VIPR2: variants seen among roughly 807,000 people sequenced by gnomAD.
VIPR2 encodes the protein vasoactive intestinal polypeptide receptor 2.
A neutral mutation model predicts 58.0 loss-of-function variants in VIPR2; 48 were observed. That is an observed-to-expected ratio of 0.83 (90% CI 0.66 to 1.05). The LOEUF is 1.05. Ranked by LOEUF, VIPR2 falls within the 50% of genes least tolerant of loss-of-function variation. VIPR2 has a pLI of 0.00. For missense variants in VIPR2, 534 were observed against 558.0 expected, an observed-to-expected ratio of 0.96 and a Z score of 0.43; for synonymous variants, 243 against 235.2, an observed-to-expected ratio of 1.03 and a Z score of -0.30.
intron 4 of VIPR2, among the ~76,000 whole-genome samples, chr7:159,060,671 C>CTCACCTAACCACTAACCTCACT (rs1056151798): frequency 1.3e-5 from 2 of 151,852 alleles, no homozygotes; most frequent in Non-Finnish European, 2.9e-5. Context: ...CCATCTTCAC[C>CTCACCTAACCACTAACCTCACT]TCACCTAACC....
chr7:159,033,726 T>A (rs1853731878), intron 10 of VIPR2, among the ~76,000 whole-genome samples: 1 of 152,076 alleles, frequency 6.6e-6, no homozygotes, highest in East Asian at 1.9e-4. Flanking sequence ...CACACGGCCA[T>A]GGACACATGG....
At chr7:159,036,357 C>A (rs1431070653) in intron 7 of VIPR2, among the ~76,000 whole-genome samples, 1 of 152,106 alleles carries the variant, frequency 6.6e-6, no homozygotes, top group African/African-American at 2.4e-5. Context: ...TCATCCTGTC[C>A]ATGAGGATGT....
intron 4 of VIPR2, among the ~76,000 whole-genome samples, chr7:159,062,283 G>A (rs924696891): frequency 2.0e-5 from 3 of 152,192 alleles, no homozygotes; most frequent in Non-Finnish European, 2.9e-5. Context: ...CTCGGGTCTG[G>A]GGGTCCTGGC....
chr7:159,144,360 A>G, intron 1 of VIPR2: 1 of 1,541,288 alleles, frequency 6.5e-7, no homozygotes. Flanking sequence ...TCTCCCCGTG[A>G]AACGCGCAGC....
chr7:159,061,524 G>A (rs1189396415), intron 4 of VIPR2, among the ~76,000 whole-genome samples: 2 of 151,832 alleles, frequency 1.3e-5, no homozygotes, highest in Non-Finnish European at 2.9e-5. Context: ...GTGGCTGTGT[G>A]TGCCTGTGGT....
At chr7:159,141,968 G>T (rs934734013) in intron 2 of VIPR2, among the ~76,000 whole-genome samples, 16 of 152,194 alleles carry the variant, frequency 1.1e-4, no homozygotes, top group African/African-American at 3.9e-4. Context: ...AAGGCGATCT[G>T]CACGTTCACA....
In VIPR2 at chr7:159,053,541, G is replaced by GT. The variant is rs148137121; in HGVS notation, c.455+4939dup. On this transcript the variant is annotated intron_variant, in intron 5 of 12. Transcript: ENST00000262178. ...CAAATGAAATTGCAATAGAATTTTTGTTTTTTTTGTTTTTTTGAGAGAAAT... is the reference window on the plus strand; with the variant it reads ...CAAATGAAATTGCAATAGAATTTTTGTTTTTTTTTGTTTTTTTGAGAGAAAT... 7.4e-3 allele frequency among the ~76,000 whole-genome samples: 1,126 copies of GT among 151,780 alleles called. 23 individuals carry two copies. Among genetic ancestry groups the GT allele is most frequent in the East Asian group, 0.044 (230 of 5,170 alleles).
At position 159,058,665 on chromosome 7, in the gene VIPR2, C is replaced by T. The variant is rs1304295567; in HGVS notation, c.358-87G>A. 7.6e-6 allele frequency: 8 copies of T among 1,053,600 alleles called. No homozygotes were observed. In the Admixed American group the frequency reaches 9.4e-5, roughly 12 times the overall value. The allele number at this position is 1,053,600 out of a possible 1,614,324, so 65.3% of individuals were successfully genotyped here. A position where few individuals can be genotyped will look rare whatever the true frequency, so the allele number is the denominator to read the frequency against. ...TGGTTCCAGGATCCAGCCCTGTGCT[C>T]TGGCCATGAAGGACTCTTGCCTGCC... On this transcript the variant is annotated intron_variant, in intron 4 of 12. Transcript: ENST00000262178.
intron 4 of VIPR2, among the ~76,000 whole-genome samples, chr7:159,063,074 C>G (rs963560072): frequency 1.3e-5 from 2 of 152,240 alleles, no homozygotes; most frequent in Non-Finnish European, 1.5e-5. Flanking sequence ...AGGAGCCCAG[C>G]TGGCTTCACC....
intron 5 of VIPR2, among the ~76,000 whole-genome samples, chr7:159,051,547 T>G (rs1200350539): frequency 6.6e-6 from 1 of 152,192 alleles, no homozygotes; most frequent in Admixed American, 6.5e-5. Context: ...GAACTCACAG[T>G]TGTCATAAGT....
chr7:159,091,907 C>T (rs1006232965), intron 4 of VIPR2, among the ~76,000 whole-genome samples: 44 of 152,184 alleles, frequency 2.9e-4, no homozygotes, highest in African/African-American at 1.0e-3. Flanking sequence ...GCGGGCAGAT[C>T]GCCTGAGGCC....
chr7:159,121,969 C>T (rs187316623), intron 2 of VIPR2, among the ~76,000 whole-genome samples: 4 of 152,282 alleles, frequency 2.6e-5, no homozygotes, highest in East Asian at 1.9e-4. Context: ...CTGATTGGTA[C>T]GAATCATTGA....
rs1853495363 is a variant in VIPR2, at chr7:159,030,696, T to G, written c.1237A>C (p.Asn413His). 6.3e-7 allele frequency: 1 copy of G among 1,583,802 alleles called. No homozygotes were observed. Residue 413 changes from asparagine to histidine, a missense_variant, in exon 13 of 13, where the codon AAC (asparagine) becomes CAC (histidine). Asn to His is a moderately conservative substitution (Grantham distance 68). Transcript: ENST00000262178. Reference sequence around the variant, plus strand: ...AACTGCAGGGCGCCCTCCGAGCCGTTGCGGGAGAAGGAGGAACCGCAGACC... The same window carrying G: ...AACTGCAGGGCGCCCTCCGAGCCGTGGCGGGAGAAGGAGGAACCGCAGACC... ...YRVCGSSFSR[N>H]GSEGALQFHR...
At chr7:159,054,827 T>C (rs1855212767) in intron 5 of VIPR2, among the ~76,000 whole-genome samples, 2 of 152,248 alleles carry the variant, frequency 1.3e-5, no homozygotes, top group Non-Finnish European at 2.9e-5. Flanking sequence ...ACTTTGATGC[T>C]TTGATACATA....
At chr7:159,089,590 A>T (rs1444620321) in intron 4 of VIPR2, among the ~76,000 whole-genome samples, 1 of 152,252 alleles carries the variant, frequency 6.6e-6, no homozygotes, top group Non-Finnish European at 1.5e-5. Context: ...ATTATAACTA[A>T]TATTATTAGC....
intron 2 of VIPR2, among the ~76,000 whole-genome samples, chr7:159,140,924 C>T (rs1323202279): frequency 3.4e-5 from 5 of 149,018 alleles, no homozygotes; most frequent in African/African-American, 1.3e-4. Context: ...TGGCTCCAGG[C>T]TCCCTCAAAA....
At chr7:159,092,613 G>A (rs186998622) in intron 4 of VIPR2, among the ~76,000 whole-genome samples, 4 of 151,688 alleles carry the variant, frequency 2.6e-5, no homozygotes, top group Admixed American at 1.3e-4. Flanking sequence ...GGCAATTTCG[G>A]GATGCTTTTT....
chr7:159,123,645 A>C (rs189819533), intron 2 of VIPR2, among the ~76,000 whole-genome samples: 89 of 152,334 alleles, frequency 5.8e-4, no homozygotes, highest in Non-Finnish European at 1.5e-4. Context: ...TGGTAGAATG[A>C]TTTATATTCC....
rs953079198 is a variant in VIPR2, at chr7:159,028,383, G to A, written c.*2233C>T. 1 of 152,488 alleles carries A rather than the reference G, an allele frequency of 6.6e-6. No individual in the cohort carries two copies. The highest frequency in any genetic ancestry group is 2.4e-5 in the African/African-American group (1 of 41,468). 9.4% of individuals were successfully genotyped at this position (152,488 alleles called of 1,614,324 possible). A position where few individuals can be genotyped will look rare whatever the true frequency, so the allele number is the denominator to read the frequency against. On this transcript the variant is annotated 3_prime_UTR_variant, in exon 13 of 13. Transcript: ENST00000262178. ...AGCTCCGCTGAACAGTGGCACATGTGCGGTTGAGGGGAGATTGTCCCCTGA... is the reference window on the plus strand; with the variant it reads ...AGCTCCGCTGAACAGTGGCACATGTACGGTTGAGGGGAGATTGTCCCCTGA...
Sources: gnomAD v4.1 joint callset for allele counts (sites outside exome capture counted in the v4.1 genomes callset) on GRCh38, gnomAD v4.1.1 for gene constraint, MANE v1.5 for transcripts, NCBI Gene and HGNC (gene_info 2026-07-23, HGNC 2026-07-21) for gene names.